Variants in ADAMTS9 observed in about 807,000 individuals in gnomAD.
ADAMTS9 encodes the protein A disintegrin and metalloproteinase with thrombospondin motifs 9.
A neutral mutation model predicts 257.1 loss-of-function variants in ADAMTS9; 107 were observed. The observed-to-expected ratio is 0.42, with a 90% CI of 0.36 to 0.49. ADAMTS9 has a LOEUF of 0.49. ADAMTS9 is among the 20% of genes least tolerant of loss of function. The pLI, the probability that ADAMTS9 is intolerant of heterozygous loss-of-function variation, is 0.03. For missense variants in ADAMTS9, 2,353 were observed against 2,469.1 expected (o/e 0.95, Z 1.00); for synonymous variants, 982 against 880.9 (o/e 1.11, Z -2.03).
At chr3:64,573,338 A>G (rs528452036) in intron 28 of ADAMTS9, among the ~76,000 whole-genome samples, 2 of 152,284 alleles carry the variant, frequency 1.3e-5, no homozygotes, top group African/African-American at 4.8e-5. Flanking sequence ...GGGGGTGCTG[A>G]CCAACTAGTC....
rs2084553704 is a variant in ADAMTS9, at chr3:64,606,199, G to A, written c.3474+761C>T. On this transcript the variant is annotated intron_variant, in intron 23 of 39. Coordinates refer to ENST00000498707, the MANE Select transcript of ADAMTS9 (RefSeq NM_182920.2). Reference sequence around the variant, plus strand: ...CTTTTGTTCTATTCACAATGTAACTGCTACAGACACAAGACTCGTTTACAT... The same window carrying A: ...CTTTTGTTCTATTCACAATGTAACTACTACAGACACAAGACTCGTTTACAT... 2.0e-5 allele frequency among the ~76,000 whole-genome samples: 3 copies of A among 152,176 alleles called. No homozygotes were observed. The South Asian group carries it at 6.2e-4, about 31-fold the overall frequency.
intron 29 of ADAMTS9, chr3:64,563,160 T>C (rs775475290): frequency 1.2e-4 from 19 of 152,336 alleles, no homozygotes; most frequent in Non-Finnish European, 1.8e-4. Flanking sequence ...ACACAAGTGA[T>C]GACCCTATCT....
intron 28 of ADAMTS9, among the ~76,000 whole-genome samples, chr3:64,584,327 T>C (rs1248028477): frequency 6.6e-6 from 1 of 151,960 alleles, no homozygotes; most frequent in African/African-American, 2.4e-5. Context: ...AAATGCACCA[T>C]TCTCAGAGGC....
At chr3:64,575,200 C>T (rs943466083) in intron 28 of ADAMTS9, among the ~76,000 whole-genome samples, 3 of 152,120 alleles carry the variant, frequency 2.0e-5, no homozygotes, top group Admixed American at 6.5e-5. Context: ...AATTTTGGCC[C>T]CCTGGCAATT....
intron 12 of ADAMTS9, among the ~76,000 whole-genome samples, chr3:64,641,109 A>G (rs1199091774): frequency 6.6e-6 from 1 of 152,186 alleles, no homozygotes; most frequent in African/African-American, 2.4e-5. Flanking sequence ...AAAAAATAAA[A>G]AGTAATTCTT....
intron 28 of ADAMTS9, among the ~76,000 whole-genome samples, chr3:64,585,435 A>G (rs984081658): frequency 6.6e-6 from 1 of 152,184 alleles, no homozygotes; most frequent in African/African-American, 2.4e-5. Context: ...GGGAATGAAT[A>G]AGACAGCTTT....
At chr3:64,618,440 C>A (rs1324705054) in intron 19 of ADAMTS9, among the ~76,000 whole-genome samples, 9 of 152,094 alleles carry the variant, frequency 5.9e-5, no homozygotes, top group Admixed American at 5.2e-4. Flanking sequence ...CTATATGAAA[C>A]ACAAAGAACT....
At position 64,518,022 on chromosome 3, in the gene ADAMTS9, G is replaced by A. The variant is rs1279554463; in HGVS notation, c.*6-901C>T. 2.6e-5 allele frequency among the ~76,000 whole-genome samples: 4 copies of A among 152,272 alleles called. No individual in the cohort carries two copies. In the East Asian group the frequency reaches 7.7e-4, roughly 29 times the overall value. On this transcript the variant is annotated intron_variant, in intron 39 of 39. Coordinates refer to ENST00000498707, the MANE Select transcript of ADAMTS9 (RefSeq NM_182920.2). The stretch of plus-strand genomic sequence containing the variant: ...TGCGACCTAACCAGAGCTAAACAGA[G>A]ATATTTTGCAGAATGCATGCTAGGA...
At chr3:64,623,282 C>T (rs909389599) in intron 16 of ADAMTS9, among the ~76,000 whole-genome samples, 1 of 152,148 alleles carries the variant, frequency 6.6e-6, no homozygotes, top group Non-Finnish European at 1.5e-5. Flanking sequence ...TTTGGCTCTG[C>T]CTTGCTCTTC....
At position 64,615,429 on chromosome 3, in the gene ADAMTS9, G is replaced by C. The variant is rs761069223; in HGVS notation, c.3081C>G (p.Thr1027=). 1 of 1,613,866 alleles carries C rather than the reference G, an allele frequency of 6.2e-7. No individual in the cohort carries two copies. Among genetic ancestry groups the C allele is most frequent in the Non-Finnish European group, 8.5e-7 (1 of 1,179,896 alleles). Residue 1027 remains threonine, a synonymous_variant, in exon 21 of 40, where the codon ACC becomes ACG. Coordinates refer to ENST00000498707, the MANE Select transcript of ADAMTS9 (RefSeq NM_182920.2). ...TGCTGTCATCCAGTACATCATTTCG[G>C]GTATTGACACAAATAGCCCTTCTCC... ...TQRRRAICVN[T]RNDVLDDSKC...
In ADAMTS9 at chr3:64,632,296, A is replaced by G. The variant is rs575677911; in HGVS notation, c.2176-371T>C. Among the ~76,000 whole-genome samples the G allele has an allele frequency of 5.3e-5, 8 of 152,294 alleles. No homozygotes were observed. In the South Asian group the frequency reaches 1.5e-3, roughly 28 times the overall value. ...AAAATTGCTTAGGAATGAAAAAAAAAGGGAATAGGTAAGAACTGTATCTAA... is the reference window on the plus strand; with the variant it reads ...AAAATTGCTTAGGAATGAAAAAAAAGGGGAATAGGTAAGAACTGTATCTAA... On this transcript the variant is annotated intron_variant, in intron 14 of 39. Coordinates refer to ENST00000498707, the MANE Select transcript of ADAMTS9 (RefSeq NM_182920.2).
chr3:64,579,931 CCGA>C (rs2083951488), intron 28 of ADAMTS9, among the ~76,000 whole-genome samples: 1 of 152,106 alleles, frequency 6.6e-6, no homozygotes, highest in Non-Finnish European at 1.5e-5. Flanking sequence ...ATAAAAGAAG[CCGA>C]CAAGAGGCAG....
chr3:64,594,911 C>T (rs557431110), intron 27 of ADAMTS9, among the ~76,000 whole-genome samples: 21 of 152,030 alleles, frequency 1.4e-4, no homozygotes, highest in East Asian at 5.9e-4. Context: ...CTCAGCTTCC[C>T]GAGTAGCTGG....
chr3:64,554,976 A>C lies in ADAMTS9; in HGVS notation c.4699-3914T>G, dbSNP rs13059202. On this transcript the variant is annotated intron_variant, in intron 30 of 39. Transcript: ENST00000498707. ...ATAATCAAGTTGCTTTACACTTTCA[A>C]ATATATCTTTTGGTGCAATTCCCTA... Among the ~76,000 whole-genome samples the C allele has an allele frequency of 3.3e-5, 5 of 152,144 alleles. No individual in the cohort carries two copies. In the East Asian group the frequency reaches 9.7e-4, roughly 30 times the overall value.
At chr3:64,669,310 T>G (rs1211310044) in intron 3 of ADAMTS9, among the ~76,000 whole-genome samples, 1 of 152,180 alleles carries the variant, frequency 6.6e-6, no homozygotes, top group African/African-American at 2.4e-5. Context: ...TTAAATACAA[T>G]GGCACTTCCC....
intron 37 of ADAMTS9, among the ~76,000 whole-genome samples, chr3:64,535,279 T>G (rs2083035359): frequency 6.6e-6 from 1 of 152,084 alleles, no homozygotes; most frequent in African/African-American, 2.4e-5. Flanking sequence ...CTCGGGAGAC[T>G]GAGGCAGGAG....
At chr3:64,610,513 T>C (rs1303536006) in intron 22 of ADAMTS9, among the ~76,000 whole-genome samples, 12 of 152,092 alleles carry the variant, frequency 7.9e-5, no homozygotes, top group Non-Finnish European at 1.6e-4. Context: ...ATATTTTTTT[T>C]TAAAAAATTG....
At chr3:64,672,737 T>C (rs4522762) in intron 3 of ADAMTS9, among the ~76,000 whole-genome samples, 56,386 of 151,948 alleles carry the variant, frequency 0.37, 11,925 homozygotes, top group African/African-American at 0.58. Flanking sequence ...GTCAATGAGT[T>C]CTAATCTCAG....
At chr3:64,626,896 G>A (rs918156796) in intron 16 of ADAMTS9, among the ~76,000 whole-genome samples, 5 of 152,100 alleles carry the variant, frequency 3.3e-5, no homozygotes, top group South Asian at 2.1e-4. Context: ...CCTGCAGCGC[G>A]AGACCCATCA....
Sources: gnomAD v4.1 joint callset for allele counts (sites outside exome capture counted in the v4.1 genomes callset) on GRCh38, gnomAD v4.1.1 for gene constraint, MANE v1.5 for transcripts, NCBI Gene and HGNC (gene_info 2026-07-23, HGNC 2026-07-21) for gene names.